The following PLA2G4C variants were observed in gnomAD, a reference collection of about 807,000 sequenced individuals.
PLA2G4C encodes the protein cytosolic phospholipase A2 gamma.
In PLA2G4C, 64 loss-of-function variants were observed where a neutral mutation model predicts 73.8. The ratio of observed to expected loss-of-function variants is 0.87; its 90% CI spans 0.71 to 1.07. PLA2G4C has a LOEUF of 1.07. PLA2G4C is among the 50% of genes least tolerant of loss of function. PLA2G4C has a pLI of 0.00. For synonymous variants in PLA2G4C, 254 were observed against 252.1 expected (o/e 1.01, Z -0.07); for missense variants, 622 against 665.4 (o/e 0.93, Z 0.72).
intron 4 of PLA2G4C, among the ~76,000 whole-genome samples, chr19:48,103,126 A>C (rs2032000118): frequency 6.6e-6 from 1 of 150,860 alleles, no homozygotes. Flanking sequence ...TCCCACCTCG[A>C]CCTCCCAAAG....
intron 13 of PLA2G4C, among the ~76,000 whole-genome samples, chr19:48,065,285 G>T (rs935331356): frequency 1.5e-5 from 2 of 136,064 alleles, no homozygotes; most frequent in African/African-American, 5.3e-5. Context: ...GTCGGGGGGG[G>T]GCTTCCAGGT....
At chr19:48,104,439 C>T (rs2032063839) in intron 4 of PLA2G4C, 149 bp downstream of exon 4, 3 of 708,674 alleles carry the variant, frequency 4.2e-6, no homozygotes, top group Non-Finnish European at 7.1e-6. Flanking sequence ...TAGCCAGCGT[C>T]AGAATTGCTC....
At chr19:48,048,545 C>T (rs2122399043) in intron 16 of PLA2G4C, among the ~76,000 whole-genome samples, 157 bp from the exon 17 acceptor site, 1 of 152,318 alleles carries the variant, frequency 6.6e-6, no homozygotes, top group East Asian at 1.9e-4. Context: ...CCTGGAGCTC[C>T]ACCACCTCCT....
chr19:48,059,570 G>A (rs563710978), intron 14 of PLA2G4C, among the ~76,000 whole-genome samples: 4 of 152,224 alleles, frequency 2.6e-5, no homozygotes, highest in African/African-American at 9.6e-5. Context: ...GAACAAAGCA[G>A]ACAGAAGAAG....
chr19:48,061,661 G>A (rs1276357015), intron 14 of PLA2G4C: 3 of 279,810 alleles, frequency 1.1e-5, no homozygotes, highest in South Asian at 4.0e-5. Context: ...GGCTGGAGAC[G>A]TGCACACCCG....
At chr19:48,063,641 C>G (rs1378211504) in intron 13 of PLA2G4C, among the ~76,000 whole-genome samples, 1 of 142,174 alleles carries the variant, frequency 7.0e-6, no homozygotes, top group African/African-American at 2.6e-5. Flanking sequence ...CTGAATGAAC[C>G]CTTCCTCTTG....
intron 16 of PLA2G4C, among the ~76,000 whole-genome samples, chr19:48,050,516 C>A (rs1967683551): frequency 6.6e-6 from 1 of 152,028 alleles, no homozygotes; most frequent in Non-Finnish European, 1.5e-5. Context: ...TACTTCCCTG[C>A]TCAAAACTTA....
chr19:48,086,789 C>T (rs2031006133), intron 9 of PLA2G4C, among the ~76,000 whole-genome samples: 1 of 152,174 alleles, frequency 6.6e-6, no homozygotes, highest in Non-Finnish European at 1.5e-5. Flanking sequence ...CTGCATGCAC[C>T]ACTCTGGCTA....
At chr19:48,050,840 A>T (rs1375854744) in intron 16 of PLA2G4C, among the ~76,000 whole-genome samples, 1 of 151,300 alleles carries the variant, frequency 6.6e-6, no homozygotes, top group Non-Finnish European at 1.5e-5. Flanking sequence ...ATGCCTTGCT[A>T]TTTTTTTGTA....
intron 9 of PLA2G4C, among the ~76,000 whole-genome samples, chr19:48,088,269 C>T (rs1036180958): frequency 6.6e-6 from 1 of 152,014 alleles, no homozygotes. Context: ...CGAAGACTCC[C>T]TATATCCAAG....
At chr19:48,102,219 G>A (rs963595042) in intron 4 of PLA2G4C, among the ~76,000 whole-genome samples, 2 of 151,946 alleles carry the variant, frequency 1.3e-5, no homozygotes, top group African/African-American at 4.8e-5. Context: ...GGCCGGACAT[G>A]GTGGCTTACA....
intron 1 of PLA2G4C, among the ~76,000 whole-genome samples, chr19:48,109,447 T>C (rs1051491357): frequency 6.6e-6 from 1 of 151,960 alleles, no homozygotes; most frequent in Non-Finnish European, 1.5e-5. Context: ...AAATTTTTTA[T>C]GTTTTGTAGA....
intron 12 of PLA2G4C, among the ~76,000 whole-genome samples, chr19:48,069,322 A>G (rs1054532382): frequency 3.9e-5 from 6 of 152,084 alleles, no homozygotes; most frequent in African/African-American, 1.4e-4. Context: ...TGTTCTCTTT[A>G]GGTTCATGGG....
intron 14 of PLA2G4C, among the ~76,000 whole-genome samples, chr19:48,056,695 G>T (rs1490646512): frequency 6.6e-6 from 1 of 151,116 alleles, no homozygotes; most frequent in Non-Finnish European, 1.5e-5. Flanking sequence ...AGCCGGGCAT[G>T]GTGGCACATG....
chr19:48,106,311 T>G (rs1490864392), intron 2 of PLA2G4C, among the ~76,000 whole-genome samples: 1 of 152,124 alleles, frequency 6.6e-6, no homozygotes, highest in Non-Finnish European at 1.5e-5. Context: ...CAGGCTAGTC[T>G]CGAACTCTGG....
At chr19:48,075,557 C>T (rs1267722887) in intron 11 of PLA2G4C, among the ~76,000 whole-genome samples, 1 of 152,116 alleles carries the variant, frequency 6.6e-6, no homozygotes, top group Non-Finnish European at 1.5e-5. Context: ...CACACACACA[C>T]TGATAATAGC....
At chr19:48,102,655 T>C (rs543225831) in intron 4 of PLA2G4C, among the ~76,000 whole-genome samples, 10 of 152,332 alleles carry the variant, frequency 6.6e-5, no homozygotes, top group African/African-American at 2.2e-4. Flanking sequence ...AGTTTGTTGC[T>C]GTCACATGTA....
At chr19:48,050,794 C>A (rs1267537681) in intron 16 of PLA2G4C, among the ~76,000 whole-genome samples, 1 of 150,942 alleles carries the variant, frequency 6.6e-6, no homozygotes, top group African/African-American at 2.4e-5. Flanking sequence ...CCTACCTCAG[C>A]CTCCTAAGGA....
chr19:48,090,079 C>T (rs553250283), intron 8 of PLA2G4C: 41 of 399,658 alleles, frequency 1.0e-4, no homozygotes, highest in South Asian at 3.8e-4. Flanking sequence ...TATTATCACC[C>T]GCATGGCACA....
Sources: allele counts gnomAD v4.1 joint callset (sites outside exome capture counted in the v4.1 genomes callset), GRCh38; gene constraint gnomAD v4.1.1; transcripts MANE v1.5; gene names NCBI Gene and HGNC (gene_info 2026-07-23, HGNC 2026-07-21).